CIB4: variants seen among roughly 807,000 people sequenced by gnomAD.
CIB4 encodes calcium and integrin binding family member 4.
A neutral mutation model predicts 25.8 loss-of-function variants in CIB4; 25 were observed. The observed-to-expected ratio is 0.97, with a 90% CI of 0.71 to 1.35. CIB4 has a LOEUF of 1.35. Among genes scored for constraint, CIB4 ranks in the 40% most tolerant of loss-of-function variants. The pLI, the probability that CIB4 is intolerant of heterozygous loss-of-function variation, is 0.00. For synonymous variants in CIB4, 75 were observed against 81.4 expected (o/e 0.92, Z 0.42); for missense variants, 235 against 228.2 (o/e 1.03, Z -0.19).
chr2:26,581,481 C>G lies in CIB4; in HGVS notation c.528-88G>C, dbSNP rs1668340348. ...GGTTCACAGTAGTCCTGGAGGCTCCCTCCCCGGCCTGCATCTCGTGTCCCT... is the reference window on the plus strand; with the variant it reads ...GGTTCACAGTAGTCCTGGAGGCTCCGTCCCCGGCCTGCATCTCGTGTCCCT... On this transcript the variant is annotated intron_variant, in intron 6 of 6. Coordinates refer to ENST00000288861, the MANE Select transcript of CIB4 (RefSeq NM_001029881.3). The G allele has an allele frequency of 3.0e-5, 40 of 1,314,514 alleles. No homozygotes were observed. The South Asian group carries it at 4.8e-4, about 16-fold the overall frequency. 81.4% of individuals were successfully genotyped at this position (1,314,514 alleles called of 1,614,324 possible).
chr2:26,582,690 G>T, intron 6 of CIB4, 135 bp downstream of exon 6: 1 of 546,306 alleles, frequency 1.8e-6, no homozygotes, highest in Non-Finnish European at 3.3e-6. Context: ...GACTCTGAAA[G>T]AATCTGCAAA....
intron 3 of CIB4, among the ~76,000 whole-genome samples, chr2:26,595,897 G>GCACACACA (rs61283412): frequency 5.9e-4 from 19 of 32,108 alleles, no homozygotes; most frequent in Admixed American, 1.6e-3. Context: ...TTATCTGCGC[G>GCACACACA]CACACACACA....
intron 2 of CIB4, among the ~76,000 whole-genome samples, chr2:26,639,692 T>G (rs1669599759): frequency 6.6e-6 from 1 of 152,136 alleles, no homozygotes; most frequent in African/African-American, 2.4e-5. Context: ...CATCCTCATT[T>G]GTGCCTGGAG....
At chr2:26,589,912 T>C (rs542943479) in intron 4 of CIB4, among the ~76,000 whole-genome samples, 1 of 152,110 alleles carries the variant, frequency 6.6e-6, no homozygotes, top group Non-Finnish European at 1.5e-5. Context: ...GAAATGAAGA[T>C]GAGATGTCTT....
chr2:26,640,544 A>G lies in CIB4; in HGVS notation c.78T>C (p.Asn26=). The part of the protein sequence containing the change: ...EYQALTFLTR[N]EILCIHDTFL... ...GGGCTTCTACTCACCACAGAATTTC[A>G]TTTCTGGTCAGGAAGGTCAGGGCCT... Residue 26 remains asparagine (N), a synonymous_variant, in exon 2 of 7, where the codon AAT becomes AAC. Transcript: ENST00000288861. The G allele has an allele frequency of 1.2e-6, 2 of 1,612,598 alleles. No homozygotes were observed. Among genetic ancestry groups the G allele is most frequent in the Non-Finnish European group, 1.7e-6 (2 of 1,179,504 alleles).
At chr2:26,613,179 C>A (rs1015435567) in intron 3 of CIB4, among the ~76,000 whole-genome samples, 1 of 152,152 alleles carries the variant, frequency 6.6e-6, no homozygotes, top group African/African-American at 2.4e-5. Context: ...AGGCCTCCAG[C>A]ACCTGGAGCT....
chr2:26,639,314 T>C (rs943080696), intron 2 of CIB4, among the ~76,000 whole-genome samples: 9 of 152,048 alleles, frequency 5.9e-5, no homozygotes, highest in Non-Finnish European at 1.0e-4. Flanking sequence ...GTCATCTACA[T>C]TAGATATTTC....
At position 26,641,311 on chromosome 2, in the gene CIB4, C is replaced by G; in HGVS notation, c.4G>C (p.Gly2Arg). The G allele has an allele frequency of 6.2e-7, 1 of 1,613,526 alleles. No homozygotes were observed. The highest frequency in any genetic ancestry group is 8.5e-7 in the Non-Finnish European group (1 of 1,179,588). The change falls in exon 1 of 7, where the codon GGG (glycine) becomes CGG (arginine). Residue 2 changes from glycine (G) to arginine (R), a missense_variant. Gly to Arg is a moderately radical substitution (Grantham distance 125). Transcript: ENST00000288861. Reference sequence around the variant, plus strand: ...TGCATCTGATACCTCAAGCATTGCCCCATGCCAACCACACCTTTCTGTCTG... The same window carrying G: ...TGCATCTGATACCTCAAGCATTGCCGCATGCCAACCACACCTTTCTGTCTG... MGQCLRYQMHWE... is the reference protein window; with the variant it reads MRQCLRYQMHWE...
chr2:26,616,394 G>A (rs1558567444), intron 3 of CIB4, among the ~76,000 whole-genome samples: 1 of 152,190 alleles, frequency 6.6e-6, no homozygotes, highest in Non-Finnish European at 1.5e-5. Flanking sequence ...TGGGCCCTGC[G>A]AGGTGGAGCC....
chr2:26,624,495 T>C (rs1669262322), intron 3 of CIB4, among the ~76,000 whole-genome samples: 1 of 152,056 alleles, frequency 6.6e-6, no homozygotes, highest in African/African-American at 2.4e-5. Flanking sequence ...TGACAACAGG[T>C]GACAAACGGA....
intron 3 of CIB4, among the ~76,000 whole-genome samples, chr2:26,601,077 C>A (rs1437191665): frequency 6.6e-6 from 1 of 151,526 alleles, no homozygotes; most frequent in East Asian, 1.9e-4. Context: ...AAAAATTGGC[C>A]AGGTATGGTC....
chr2:26,626,559 A>G (rs1669309881), intron 3 of CIB4, among the ~76,000 whole-genome samples: 1 of 152,132 alleles, frequency 6.6e-6, no homozygotes, highest in African/African-American at 2.4e-5. Flanking sequence ...TGTGTTCTCT[A>G]GTTTTTCTAC....
At position 26,582,861 on chromosome 2, in the gene CIB4, A is replaced by C. The variant is rs764263564; in HGVS notation, c.491T>G (p.Phe164Cys). 1 of 1,613,786 alleles carries C rather than the reference A, an allele frequency of 6.2e-7. No individual in the cohort carries two copies. Among genetic ancestry groups the C allele is most frequent in the Non-Finnish European group, 8.5e-7 (1 of 1,179,720 alleles). ...DNDNMLSFSE[F>C]EHAMAKSPDF... ...TGGAGACTTGGCCATTGCATGTTCAAACTCTGAGAAGGACAGCATGTTGTC... is the reference window on the plus strand; with the variant it reads ...TGGAGACTTGGCCATTGCATGTTCACACTCTGAGAAGGACAGCATGTTGTC... Residue 164 changes from phenylalanine (F) to cysteine (C), a missense_variant, in exon 6 of 7, where the codon TTT (phenylalanine) becomes TGT (cysteine). By Grantham distance (205) the Phe-to-Cys change is radical. Coordinates refer to ENST00000288861, the MANE Select transcript of CIB4 (RefSeq NM_001029881.3).
Position 26,595,311 on chromosome 2 carries a change from G to A in CIB4, c.193C>T (p.Pro65Ser), listed in dbSNP as rs367982223. Residue 65 changes from proline to serine, a missense_variant, in exon 4 of 7, where the codon CCT becomes TCT. Transcript: ENST00000288861. The part of the protein sequence containing the change: ...VSSLPALRVN[P>S]FRDRICRVFS... Reference sequence around the variant, plus strand: ...ACTCTGCAGATACGGTCTCTGAAAGGGTTGACCTGTGGGCGACAGGAGGAG... The same window carrying A: ...ACTCTGCAGATACGGTCTCTGAAAGAGTTGACCTGTGGGCGACAGGAGGAG... 1.4e-5 allele frequency: 22 copies of A among 1,612,370 alleles called. No individual in the cohort carries two copies. Among genetic ancestry groups the A allele is most frequent in the Non-Finnish European group, 1.9e-5 (22 of 1,178,682 alleles).
In CIB4 at chr2:26,627,850, C is replaced by G. The variant is rs931893646; in HGVS notation, c.186+1560G>C. On this transcript the variant is annotated intron_variant, in intron 3 of 6. Transcript: ENST00000288861. This position sits in a 1 kb window ranked among gnomAD's most constrained non-coding sequence, Gnocchi z 4.0. Reference sequence around the variant, plus strand: ...CAGCTTTGTGCATTTTCCTCTGTCTCTGTCTGCCCTACAGATAGGCCTGTC... The same window carrying G: ...CAGCTTTGTGCATTTTCCTCTGTCTGTGTCTGCCCTACAGATAGGCCTGTC... Among the ~76,000 whole-genome samples the G allele has an allele frequency of 4.6e-5, 7 of 151,582 alleles. No homozygotes were observed. The South Asian group carries it at 6.3e-4, about 14-fold the overall frequency.
At position 26,602,778 on chromosome 2, in the gene CIB4, C is replaced by A. The variant is rs572970620; in HGVS notation, c.187-7461G>T. On this transcript the variant is annotated intron_variant, in intron 3 of 6. Coordinates refer to ENST00000288861, the MANE Select transcript of CIB4 (RefSeq NM_001029881.3). Reference sequence around the variant, plus strand: ...GTATGATGCAATGAGAAGGGCGGTTCAGGCCAGGTGCAGTGGCTCACGCCT... The same window carrying A: ...GTATGATGCAATGAGAAGGGCGGTTAAGGCCAGGTGCAGTGGCTCACGCCT... Among the ~76,000 whole-genome samples, 200 of 152,276 alleles carry A rather than the reference C, an allele frequency of 1.3e-3. 1 individual carries two copies. Among genetic ancestry groups the A allele is most frequent in the Non-Finnish European group, 2.4e-3 (164 of 68,018 alleles).
In CIB4 at chr2:26,589,060, C is replaced by CTTCTTCT. The variant is rs762556634; in HGVS notation, c.329-5163_329-5162insAGAAGAA. On this transcript the variant is annotated intron_variant, in intron 4 of 6. Coordinates refer to ENST00000288861, the MANE Select transcript of CIB4 (RefSeq NM_001029881.3). The stretch of plus-strand genomic sequence containing the variant: ...CTTCTTCTTCTTCTTCTTCTTCTTC[C>CTTCTTCT]TCTTCCTCTTCCTCTTCTTCTTCTT... Among the ~76,000 whole-genome samples the CTTCTTCT allele has an allele frequency of 5.1e-3, 187 of 36,440 alleles. 2 individuals are homozygous for CTTCTTCT. The highest frequency in any genetic ancestry group is 0.02 in the East Asian group (20 of 1,020). The allele number at this position is 36,440 out of a possible 152,430, so 23.9% of individuals were successfully genotyped here.
chr2:26,584,260 A>G (rs1209599355), intron 4 of CIB4, among the ~76,000 whole-genome samples: 1 of 151,970 alleles, frequency 6.6e-6, no homozygotes, highest in East Asian at 1.9e-4. Context: ...GGAGATTCAA[A>G]CCCAGCCAGG....
rs1335516946 is a variant in CIB4 at position 26,589,005 on chromosome 2, C to T, written c.329-5107G>A. On this transcript the variant is annotated intron_variant, in intron 4 of 6. Transcript: ENST00000288861. ...TCTTCTTCTTCTTCTTCTTCTTCTT[C>T]TTCTTCTTCTTCTTCTTCTTCTTCT... 8.0e-3 allele frequency among the ~76,000 whole-genome samples: 151 copies of T among 18,904 alleles called. 6 individuals carry two copies. Among genetic ancestry groups the T allele is most frequent in the Admixed American group, 0.018 (29 of 1,654 alleles). 12.4% of individuals were successfully genotyped at this position (18,904 alleles called of 152,430 possible).
Sources: gnomAD v4.1 joint callset for allele counts (sites outside exome capture counted in the v4.1 genomes callset) on GRCh38, gnomAD v4.1.1 for gene constraint, Gnocchi (gnomAD v3.1) non-coding constraint, MANE v1.5 for transcripts, NCBI Gene and HGNC (gene_info 2026-07-23, HGNC 2026-07-21) for gene names.